LARP4B: variants seen among roughly 807,000 people sequenced by gnomAD.
The protein encoded by LARP4B is la-related protein 4B.
LARP4B carries 12 observed loss-of-function variants against 89.8 expected under a neutral mutation model. That is an observed-to-expected ratio of 0.13 (90% CI 0.09 to 0.22). The LOEUF (loss-of-function observed/expected upper bound fraction) is 0.22. LARP4B is among the 10% of genes least tolerant of loss of function. The pLI, the probability that LARP4B is intolerant of heterozygous loss-of-function variation, is 1.00. For missense variants in LARP4B, 757 were observed against 947.7 expected (o/e 0.80, Z 2.64); for synonymous variants, 367 against 363.3 (o/e 1.01, Z -0.12).
the LARP4B span, among the ~76,000 whole-genome samples, chr10:977,865 T>G: frequency 6.6e-6 from 1 of 152,132 alleles, no homozygotes; most frequent in Admixed American, 6.6e-5. Context: ...AAGGGATGAC[T>G]ACATACAAAG....
the LARP4B span, among the ~76,000 whole-genome samples, chr10:954,135 G>T: frequency 1.3e-5 from 2 of 152,216 alleles, no homozygotes; most frequent in Non-Finnish European, 2.9e-5. The surrounding 1 kb of genome is among the most constrained non-coding windows in gnomAD (Gnocchi z 5.0). Flanking sequence ...GATCTCCGTG[G>T]CCTTGGGAAC....
chr10:847,302 A>G (rs1263818684), intron 5 of LARP4B, among the ~76,000 whole-genome samples: 1 of 152,160 alleles, frequency 6.6e-6, no homozygotes, highest in East Asian at 1.9e-4. Flanking sequence ...GAGCAAAGAC[A>G]ATGACAAGTG....
chr10:820,973 GA>G, intron 13 of LARP4B, 128 bp from the exon 14 acceptor site: 5 of 788,654 alleles, frequency 6.3e-6, no homozygotes, highest in South Asian at 1.8e-5. Flanking sequence ...ACCTTTCAAA[GA>G]TGACTTTCAA....
the LARP4B span, among the ~76,000 whole-genome samples, chr10:943,569 A>G: frequency 6.6e-6 from 1 of 152,212 alleles, no homozygotes; most frequent in African/African-American, 2.4e-5. Context: ...AGCTGGGACC[A>G]CAGGCATGTG....
At chr10:899,413 C>T (rs915776115) in intron 1 of LARP4B, among the ~76,000 whole-genome samples, 21 of 152,186 alleles carry the variant, frequency 1.4e-4, no homozygotes, top group African/African-American at 4.3e-4. Flanking sequence ...GTTCTATTTG[C>T]CATGTTCTGC....
At chr10:945,303 G>A in the LARP4B span, among the ~76,000 whole-genome samples, 1 of 151,436 alleles carries the variant, frequency 6.6e-6, no homozygotes, top group East Asian at 2.0e-4. Context: ...AGAATCACTT[G>A]AACCCAGAAG....
chr10:876,580 C>T (rs146747102), intron 3 of LARP4B, among the ~76,000 whole-genome samples: 1 of 152,156 alleles, frequency 6.6e-6, no homozygotes, highest in Non-Finnish European at 1.5e-5. Context: ...GGGCCTCAAG[C>T]AGCCCCACCC....
chr10:908,111 C>T (rs757906255), intron 1 of LARP4B, among the ~76,000 whole-genome samples: 3 of 152,170 alleles, frequency 2.0e-5, no homozygotes, highest in Non-Finnish European at 4.4e-5. Flanking sequence ...GAGGCTGAGG[C>T]AGGAGAAATC....
At chr10:817,586 G>C (rs533378866) in intron 15 of LARP4B, 139 bp downstream of exon 15, 7 of 790,156 alleles carry the variant, frequency 8.9e-6, no homozygotes, top group Non-Finnish European at 1.2e-5. Flanking sequence ...AAATCTGTGT[G>C]ACCTCTGCAA....
chr10:875,123 T>G (rs1429037503), intron 3 of LARP4B, among the ~76,000 whole-genome samples: 2 of 152,184 alleles, frequency 1.3e-5, no homozygotes, highest in Non-Finnish European at 2.9e-5. Context: ...CGTTCTGCAC[T>G]AAAGACACAA....
At chr10:848,361 A>G (rs770458646) in intron 5 of LARP4B, among the ~76,000 whole-genome samples, 4 of 152,220 alleles carry the variant, frequency 2.6e-5, no homozygotes, top group Middle Eastern at 3.2e-3. Context: ...TAAGCCCTGA[A>G]TACAGTAAAA....
At chr10:952,478 G>A in the LARP4B span, among the ~76,000 whole-genome samples, 2 of 132,914 alleles carry the variant, frequency 1.5e-5, no homozygotes, top group Non-Finnish European at 3.2e-5. Context: ...GGAAGAAATC[G>A]CACCAGCCCA....
intron 5 of LARP4B, among the ~76,000 whole-genome samples, chr10:857,062 G>A (rs1044179949): frequency 2.6e-5 from 4 of 152,154 alleles, no homozygotes; most frequent in Admixed American, 2.6e-4. Flanking sequence ...CAGCACTGAA[G>A]GCATAGTCAC....
the LARP4B span, among the ~76,000 whole-genome samples, chr10:969,916 T>C: frequency 1.3e-5 from 2 of 152,158 alleles, no homozygotes; most frequent in South Asian, 4.1e-4. Flanking sequence ...GTGAGCATTT[T>C]GGCAGTCATG....
intron 7 of LARP4B, among the ~76,000 whole-genome samples, chr10:837,828 A>G (rs1341757177): frequency 1.3e-5 from 2 of 152,248 alleles, no homozygotes; most frequent in African/African-American, 4.8e-5. Flanking sequence ...TGGACCAAGC[A>G]AAGATTTCTT....
At chr10:830,303 G>C (rs115275335) in intron 9 of LARP4B, among the ~76,000 whole-genome samples, 1 of 152,118 alleles carries the variant, frequency 6.6e-6, no homozygotes. Flanking sequence ...TCTATCTTCC[G>C]TTCCCCTTTT....
intron 1 of LARP4B, among the ~76,000 whole-genome samples, chr10:914,970 C>A (rs894897760): frequency 5.9e-5 from 9 of 152,108 alleles, no homozygotes; most frequent in Admixed American, 5.2e-4. Context: ...TTTAGTTTTG[C>A]TAAAATTGAA....
At chr10:915,201 C>A (rs2132032153) in intron 1 of LARP4B, among the ~76,000 whole-genome samples, 1 of 152,202 alleles carries the variant, frequency 6.6e-6, no homozygotes, top group East Asian at 1.9e-4. Flanking sequence ...GGGAGGATCA[C>A]TTGAGCCCAG....
At chr10:856,212 G>A (rs1834294859) in intron 5 of LARP4B, among the ~76,000 whole-genome samples, 1 of 152,120 alleles carries the variant, frequency 6.6e-6, no homozygotes, top group Non-Finnish European at 1.5e-5. Flanking sequence ...ACTCTTGGGA[G>A]AACAAAGTAC....
Sources: gnomAD v4.1 joint callset for allele counts (sites outside exome capture counted in the v4.1 genomes callset) on GRCh38, gnomAD v4.1.1 for gene constraint, Gnocchi (gnomAD v3.1) non-coding constraint, MANE v1.5 for transcripts, NCBI Gene and HGNC (gene_info 2026-07-23, HGNC 2026-07-21) for gene names.